The following DAAM1 variants were observed in gnomAD, a reference collection of about 807,000 sequenced individuals.
DAAM1 encodes the protein disheveled-associated activator of morphogenesis 1.
Under a neutral mutation model 130.0 loss-of-function variants are expected in DAAM1, and 52 were observed. That is an observed-to-expected ratio of 0.40 (90% confidence interval 0.32 to 0.50). DAAM1 has a LOEUF of 0.50. Ranked by LOEUF, DAAM1 falls within the 20% of genes least tolerant of loss-of-function variation. The pLI is 0.61. For missense variants in DAAM1, 1,134 were observed against 1,303.8 expected (o/e 0.87, Z 2.01); for synonymous variants, 452 against 444.5 (o/e 1.02, Z -0.21).
intron 15 of DAAM1, chr14:59,338,259 C>T: frequency 2.2e-6 from 2 of 907,152 alleles, no homozygotes; most frequent in Non-Finnish European, 3.5e-6. Context: ...ATCCCAGGGG[C>T]ATAAATCATC....
At chr14:59,347,424 T>C in intron 16 of DAAM1, 115 bp from the exon 17 acceptor site, 2 of 953,666 alleles carry the variant, frequency 2.1e-6, no homozygotes. Context: ...AAGCTTTCAC[T>C]GAGAGATTTT....
chr14:59,216,777 A>G (rs1888594702), intron 1 of DAAM1, among the ~76,000 whole-genome samples: 1 of 152,108 alleles, frequency 6.6e-6, no homozygotes, highest in Admixed American at 6.5e-5. Flanking sequence ...ATTCTTTAAG[A>G]TTAGAGTAAC....
At chr14:59,240,012 A>G (rs1364883071) in intron 1 of DAAM1, among the ~76,000 whole-genome samples, 1 of 152,220 alleles carries the variant, frequency 6.6e-6, no homozygotes, top group Non-Finnish European at 1.5e-5. Flanking sequence ...ACTCATGTCA[A>G]TTTGTGAACA....
Position 59,369,436 on chromosome 14 carries a change from T to C in DAAM1, c.*577T>C, listed in dbSNP as rs1190602787. On this transcript the variant is annotated 3_prime_UTR_variant, in exon 25 of 25. Coordinates refer to ENST00000360909, the MANE Select transcript of DAAM1 (RefSeq NM_001270520.2). ...TGAATTTCTGACATTGGTGTGGGGATACAGTCTGTAAATGTTTATTGAGAA... is the reference window on the plus strand; with the variant it reads ...TGAATTTCTGACATTGGTGTGGGGACACAGTCTGTAAATGTTTATTGAGAA... 1.3e-5 allele frequency: 2 copies of C among 152,798 alleles called. No homozygotes were observed. The highest frequency in any genetic ancestry group is 2.9e-5 in the Non-Finnish European group (2 of 68,070). 9.5% of individuals were successfully genotyped at this position (152,798 alleles called of 1,614,324 possible).
Position 59,325,712 on chromosome 14 carries a change from T to C in DAAM1, c.1038T>C (p.Phe346=). 6.2e-7 allele frequency: 1 copy of C among 1,614,086 alleles called. No homozygotes were observed. The highest frequency in any genetic ancestry group is 8.5e-7 in the Non-Finnish European group (1 of 1,179,982). ...EMLRNEDELE[F]AKRFELVHID... Reference sequence around the variant, plus strand: ...TCCGAAATGAAGATGAACTAGAATTTGCCAAAAGATTTGAACTGGTACGTA... The same window carrying C: ...TCCGAAATGAAGATGAACTAGAATTCGCCAAAAGATTTGAACTGGTACGTA... Residue 346 remains phenylalanine, a synonymous_variant, in exon 9 of 25, where the codon TTT becomes TTC. Coordinates refer to ENST00000360909, the MANE Select transcript of DAAM1 (RefSeq NM_001270520.2).
chr14:59,314,390 C>T (rs982643770), intron 3 of DAAM1, among the ~76,000 whole-genome samples: 2 of 152,116 alleles, frequency 1.3e-5, no homozygotes, highest in African/African-American at 4.8e-5. Context: ...CATAGATGTG[C>T]AAATACGCAT....
intron 16 of DAAM1, among the ~76,000 whole-genome samples, chr14:59,343,470 T>C (rs886552326): frequency 6.6e-6 from 1 of 151,896 alleles, no homozygotes. Flanking sequence ...TCTTTCCTGA[T>C]TATTTCATTC....
intron 1 of DAAM1, among the ~76,000 whole-genome samples, chr14:59,239,183 A>G (rs1162765652): frequency 2.0e-5 from 3 of 152,204 alleles, no homozygotes. Flanking sequence ...TACTTTATGA[A>G]GGTAATATAC....
intron 1 of DAAM1, among the ~76,000 whole-genome samples, chr14:59,252,906 A>G (rs1032578345): frequency 2.0e-5 from 3 of 152,340 alleles, no homozygotes; most frequent in South Asian, 2.1e-4. Context: ...GGTGTGAAAC[A>G]TGAATTGGCA....
At chr14:59,257,959 T>C (rs1329417001) in intron 1 of DAAM1, among the ~76,000 whole-genome samples, 1 of 152,192 alleles carries the variant, frequency 6.6e-6, no homozygotes, top group Non-Finnish European at 1.5e-5. Context: ...TCCCTGATCA[T>C]ACTATCTGAA....
chr14:59,204,033 G>T (rs1271299296), intron 1 of DAAM1, among the ~76,000 whole-genome samples: 2 of 152,204 alleles, frequency 1.3e-5, no homozygotes, highest in Admixed American at 1.3e-4. Flanking sequence ...GTGTTGATGG[G>T]ATCATAAACC....
chr14:59,232,070 C>G (rs1889126926), intron 1 of DAAM1, among the ~76,000 whole-genome samples: 1 of 152,186 alleles, frequency 6.6e-6, no homozygotes, highest in African/African-American at 2.4e-5. Context: ...AGTTAATTCT[C>G]TTGGGAAGTT....
chr14:59,285,933 T>C (rs1170504079), intron 2 of DAAM1, among the ~76,000 whole-genome samples: 1 of 152,132 alleles, frequency 6.6e-6, no homozygotes, highest in African/African-American at 2.4e-5. Flanking sequence ...CTAATAGACA[T>C]CTACAGAACA....
intron 1 of DAAM1, among the ~76,000 whole-genome samples, chr14:59,214,105 T>A (rs759881873): frequency 6.6e-6 from 1 of 152,254 alleles, no homozygotes; most frequent in Non-Finnish European, 1.5e-5. Flanking sequence ...TTCACTGTGA[T>A]TCCGAGGATC....
At chr14:59,221,039 A>T (rs1888754835) in intron 1 of DAAM1, among the ~76,000 whole-genome samples, 1 of 152,212 alleles carries the variant, frequency 6.6e-6, no homozygotes, top group African/African-American at 2.4e-5. Flanking sequence ...TGTCAACTTA[A>T]CATCCATACA....
intron 9 of DAAM1, 64 bp from the exon 10 acceptor site, chr14:59,325,896 A>G: frequency 6.4e-7 from 1 of 1,557,038 alleles, no homozygotes; most frequent in Non-Finnish European, 8.9e-7. Context: ...CTTTGAGTTT[A>G]CTTTACACTG....
At chr14:59,301,637 G>A (rs934696137) in intron 3 of DAAM1, among the ~76,000 whole-genome samples, 3 of 152,160 alleles carry the variant, frequency 2.0e-5, no homozygotes, top group African/African-American at 7.2e-5. Context: ...GCACAAGCGA[G>A]CAGATGGACT....
At chr14:59,327,509 G>A (rs966506679) in intron 12 of DAAM1, among the ~76,000 whole-genome samples, 9 of 143,504 alleles carry the variant, frequency 6.3e-5, no homozygotes, top group Non-Finnish European at 9.0e-5. Flanking sequence ...CTAAGTTCAC[G>A]TCATTCTCCT....
chr14:59,258,533 C>G (rs1014846593), intron 1 of DAAM1, among the ~76,000 whole-genome samples: 2 of 151,974 alleles, frequency 1.3e-5, no homozygotes, highest in Admixed American at 6.6e-5. Context: ...GTGATGGGTG[C>G]GAATATGCAT....
Sources: gnomAD v4.1 joint callset for allele counts (sites outside exome capture counted in the v4.1 genomes callset) on GRCh38, gnomAD v4.1.1 for gene constraint, MANE v1.5 for transcripts, NCBI Gene and HGNC (gene_info 2026-07-23, HGNC 2026-07-21) for gene names.